Variants in UGT1A6 observed in about 807,000 individuals in gnomAD.
UGT1A6 encodes UDP-glucuronosyltransferase 1A6.
UGT1A6 carries 32 observed loss-of-function variants against 44.4 expected under a neutral mutation model. That is an observed-to-expected ratio of 0.72 (90% CI 0.54 to 0.97). The LOEUF (loss-of-function observed/expected upper bound fraction) is 0.97. Among genes scored for constraint, UGT1A6 ranks in the 50% least tolerant of loss-of-function variants. The probability of loss-of-function intolerance (pLI) is 0.00; values close to 1 mark genes in which losing one functional copy is unlikely to be tolerated. For synonymous variants in UGT1A6, 238 were observed against 248.5 expected (o/e 0.96, Z 0.40); for missense variants, 685 against 661.9 (o/e 1.03, Z -0.38).
chr2:233,772,541 C>T lies in UGT1A6; in HGVS notation c.1581C>T (p.His527=), dbSNP rs1391662449. The T allele has an allele frequency of 1.2e-6, 2 of 1,613,996 alleles. No homozygotes were observed. Among genetic ancestry groups the T allele is most frequent in the Non-Finnish European group, 1.7e-6 (2 of 1,180,012 alleles). ...AAAAAGGGCGAGTTAAGAAAGCCCACAAATCCAAGACCCATTGAGAAGTGG... is the reference window on the plus strand; with the variant it reads ...AAAAAGGGCGAGTTAAGAAAGCCCATAAATCCAAGACCCATTGAGAAGTGG... The part of the protein sequence containing the change: ...LGKKGRVKKA[H]KSKTH The change falls in exon 5 of 5, where the codon CAC becomes CAT. Residue 527 remains histidine (H), a synonymous_variant. Transcript: ENST00000305139.
At chr2:233,750,066 G>A (rs12987866) in intron 1 of UGT1A6, among the ~76,000 whole-genome samples, 28,360 of 151,834 alleles carry the variant, frequency 0.19, 3,511 homozygotes, top group South Asian at 0.3. Flanking sequence ...TTTGGAACTG[G>A]GTAACAGGCA....
In UGT1A6 at chr2:233,769,761, G is replaced by C; in HGVS notation, c.1301+1322G>C. 7.1e-6 allele frequency: 10 copies of C among 1,414,228 alleles called. No homozygotes were observed. The highest frequency in any genetic ancestry group is 9.3e-6 in the Non-Finnish European group (10 of 1,080,644). 87.6% of individuals were successfully genotyped at this position (1,414,228 alleles called of 1,614,324 possible). A position where few individuals can be genotyped will look rare whatever the true frequency, so the allele number is the denominator to read the frequency against. On this transcript the variant is annotated intron_variant, in intron 4 of 4. Transcript: ENST00000305139. The surrounding 1 kb of genome is among the most constrained non-coding windows in gnomAD (Gnocchi z 4.4). ...TCCCAGCCACTCTGGAGGCTAAGGC[G>C]GGAGGATTGCTTGAGCCCAGAAGTT...
intron 1 of UGT1A6, chr2:233,760,289 T>A: frequency 2.5e-6 from 4 of 1,613,270 alleles, no homozygotes; most frequent in Non-Finnish European, 3.4e-6. Flanking sequence ...AAAGGCGCCA[T>A]GGCTGTGGAG....
At position 233,754,261 on chromosome 2, in the gene UGT1A6, G is replaced by T. The variant is rs28900390; in HGVS notation, c.862-12773G>T. 8.6e-3 allele frequency: 1,501 copies of T among 174,210 alleles called. 34 individuals carry two copies. The highest frequency in any genetic ancestry group is 0.033 in the African/African-American group (1,401 of 41,884). The allele number at this position is 174,210 out of a possible 1,614,324, so 10.8% of individuals were successfully genotyped here. A position where few individuals can be genotyped will look rare whatever the true frequency, so the allele number is the denominator to read the frequency against. The stretch of plus-strand genomic sequence containing the variant: ...ACACTTTCCCAACGGAAAAAGGTAA[G>T]GCTCAAAGTGCTGAGATGAACATTC... On this transcript the variant is annotated intron_variant, in intron 1 of 4. Coordinates refer to ENST00000305139, the MANE Select transcript of UGT1A6 (RefSeq NM_001072.4).
At chr2:233,707,081 A>G (rs1294387634) in intron 1 of UGT1A6, among the ~76,000 whole-genome samples, 1 of 152,056 alleles carries the variant, frequency 6.6e-6, no homozygotes, top group Non-Finnish European at 1.5e-5. Flanking sequence ...CATGTGCTCC[A>G]CTTTGCATGG....
chr2:233,712,396 A>C (rs750718186), intron 1 of UGT1A6, among the ~76,000 whole-genome samples: 10 of 152,180 alleles, frequency 6.6e-5, no homozygotes, highest in Non-Finnish European at 1.0e-4. Context: ...CACTTCAGAG[A>C]GAGTCCTCTT....
At chr2:233,716,382 C>T (rs2076502409) in intron 1 of UGT1A6, among the ~76,000 whole-genome samples, 3 of 152,170 alleles carry the variant, frequency 2.0e-5, no homozygotes, top group Admixed American at 2.0e-4. Context: ...TTCTGCCTAC[C>T]ACAGACACTA....
intron 1 of UGT1A6, among the ~76,000 whole-genome samples, chr2:233,696,681 G>A (rs1297027758): frequency 6.6e-6 from 1 of 152,194 alleles, no homozygotes; most frequent in Non-Finnish European, 1.5e-5. Flanking sequence ...AGTGCTGACA[G>A]TCAGCATCTT....
At chr2:233,719,751 A>G in intron 1 of UGT1A6, 1 of 1,612,694 alleles carries the variant, frequency 6.2e-7, no homozygotes, top group East Asian at 2.2e-5. Flanking sequence ...AAATGTATTT[A>G]CTTACAAGTG....
intron 1 of UGT1A6, among the ~76,000 whole-genome samples, chr2:233,706,711 A>C (rs2075920644): frequency 6.6e-6 from 1 of 152,150 alleles, no homozygotes; most frequent in Admixed American, 6.5e-5. Context: ...AAGTCATGGA[A>C]TTCTGGAATC....
At chr2:233,725,206 A>AGGC (rs1165948613) in intron 1 of UGT1A6, among the ~76,000 whole-genome samples, 4 of 91,688 alleles carry the variant, frequency 4.4e-5, no homozygotes, top group Admixed American at 9.5e-5. Context: ...GCAGAGGCAG[A>AGGC]GGCAGAGGCA....
chr2:233,759,778 A>G (rs2125976593), intron 1 of UGT1A6, among the ~76,000 whole-genome samples: 1 of 152,308 alleles, frequency 6.6e-6, no homozygotes, highest in South Asian at 2.1e-4. Flanking sequence ...TGTTGGACGA[A>G]GGAATGAAAC....
chr2:233,695,246 C>T (rs994103006), intron 1 of UGT1A6, among the ~76,000 whole-genome samples: 1 of 151,774 alleles, frequency 6.6e-6, no homozygotes, highest in Non-Finnish European at 1.5e-5. Flanking sequence ...CTGCCTCAGC[C>T]TCCTGAGTAG....
intron 1 of UGT1A6, among the ~76,000 whole-genome samples, chr2:233,756,600 G>A (rs1331506160): frequency 6.6e-6 from 1 of 152,122 alleles, no homozygotes; most frequent in Non-Finnish European, 1.5e-5. Flanking sequence ...TTACTGTATC[G>A]AAACCATTAA....
At chr2:233,741,258 T>C (rs1466161832) in intron 1 of UGT1A6, among the ~76,000 whole-genome samples, 3 of 151,876 alleles carry the variant, frequency 2.0e-5, no homozygotes, top group African/African-American at 7.3e-5. Context: ...ATGCCACTCT[T>C]TGCTGACCAC....
chr2:233,749,865 C>A (rs113837567), intron 1 of UGT1A6, among the ~76,000 whole-genome samples: 3 of 152,004 alleles, frequency 2.0e-5, no homozygotes, highest in African/African-American at 7.3e-5. Context: ...CACTTTCTGC[C>A]AGGATTATAA....
At chr2:233,753,561 G>A (rs1235204227) in intron 1 of UGT1A6, 1 of 152,192 alleles carries the variant, frequency 6.6e-6, no homozygotes, top group African/African-American at 2.4e-5. Flanking sequence ...GACCCTAGAA[G>A]ATGGGACCCT....
At chr2:233,702,121 A>G (rs1297535500) in intron 1 of UGT1A6, among the ~76,000 whole-genome samples, 1 of 152,030 alleles carries the variant, frequency 6.6e-6, no homozygotes, top group Non-Finnish European at 1.5e-5. Context: ...ACCTTAGAAC[A>G]TTTTCAGTCA....
chr2:233,694,920 G>A (rs557079279), intron 1 of UGT1A6, among the ~76,000 whole-genome samples: 1 of 152,304 alleles, frequency 6.6e-6, no homozygotes, highest in South Asian at 2.1e-4. Flanking sequence ...TACAATGTGC[G>A]ATGATCAAAT....
Sources: allele counts gnomAD v4.1 joint callset (sites outside exome capture counted in the v4.1 genomes callset), GRCh38; gene constraint gnomAD v4.1.1; non-coding constraint Gnocchi (gnomAD v3.1); transcripts MANE v1.5; gene names NCBI Gene and HGNC (gene_info 2026-07-23, HGNC 2026-07-21).